Variants in TENM4 observed in about 807,000 individuals in gnomAD.
TENM4 encodes the protein teneurin transmembrane protein 4.
A neutral mutation model predicts 243.3 loss-of-function variants in TENM4; 82 were observed. That is an observed-to-expected ratio of 0.34 (90% CI 0.28 to 0.40). TENM4 has a LOEUF of 0.40. Ranked by LOEUF, TENM4 falls within the 10% of genes least tolerant of loss-of-function variation. The pLI is 1.00. For missense variants in TENM4, 3,138 were observed against 3,673.3 expected (o/e 0.85, Z 3.77); for synonymous variants, 1,412 against 1,456.3 (o/e 0.97, Z 0.69).
At chr11:78,693,165 G>A (rs1049611799) in intron 28 of TENM4, among the ~76,000 whole-genome samples, 7 of 152,194 alleles carry the variant, frequency 4.6e-5, no homozygotes, top group African/African-American at 1.4e-4. Flanking sequence ...TGAGAGCAAC[G>A]AAGAAATTCA....
intron 3 of TENM4, among the ~76,000 whole-genome samples, chr11:79,176,933 G>C (rs1863171183): frequency 6.6e-6 from 1 of 152,062 alleles, no homozygotes; most frequent in South Asian, 2.1e-4. Flanking sequence ...GGTTCCTTTG[G>C]TTTTCTGATT....
At chr11:78,854,586 T>TG (rs3842641) in intron 11 of TENM4, among the ~76,000 whole-genome samples, 79,582 of 151,944 alleles carry the variant, frequency 0.52, 23,189 homozygotes, top group African/African-American at 0.77. Flanking sequence ...TTTGTACTGG[T>TG]GGTGAATCTT....
chr11:79,266,348 A>G (rs764898900), intron 2 of TENM4, among the ~76,000 whole-genome samples: 1 of 151,582 alleles, frequency 6.6e-6, no homozygotes, highest in Admixed American at 6.5e-5. Flanking sequence ...TACTGCAATG[A>G]GCAAAATAGT....
chr11:79,424,705 C>T (rs554724193), intron 1 of TENM4, among the ~76,000 whole-genome samples: 192 of 151,838 alleles, frequency 1.3e-3, no homozygotes, highest in African/African-American at 4.1e-3. Flanking sequence ...GAGGCCGAGG[C>T]GGGCGGATCA....
rs1482196376 is a variant in TENM4, at chr11:78,708,361, C to T, written c.4209G>A (p.Gln1403=). The change falls in exon 27 of 34, where the codon CAG becomes CAA. Residue 1403 remains glutamine (Q), a splice_region_variant and synonymous_variant. Transcript: ENST00000278550. ...LSCDSVMDIS[Q]VHLEWPTDLA... is the part of the protein sequence containing the mutation. ...GCTTTGGTAGATGAAGCCATCTTACCTGGGAAATATCCATGACAGAATCAC... is the reference window on the plus strand; with the variant it reads ...GCTTTGGTAGATGAAGCCATCTTACTTGGGAAATATCCATGACAGAATCAC... 11 of 1,613,960 alleles carry T rather than the reference C, an allele frequency of 6.8e-6. No individual in the cohort carries two copies. The highest frequency in any genetic ancestry group is 9.3e-6 in the Non-Finnish European group (11 of 1,179,838).
chr11:79,337,391 G>A (rs1273489723), intron 1 of TENM4, among the ~76,000 whole-genome samples: 1 of 152,174 alleles, frequency 6.6e-6, no homozygotes, highest in Non-Finnish European at 1.5e-5. Flanking sequence ...CAGCTGATTA[G>A]GTCAGAAGGG....
At chr11:78,684,761 C>G (rs1343287307) in intron 29 of TENM4, among the ~76,000 whole-genome samples, 3 of 152,194 alleles carry the variant, frequency 2.0e-5, no homozygotes, top group Non-Finnish European at 4.4e-5. Context: ...TAATACTTAC[C>G]TCCTAGGCAT....
At chr11:78,991,047 C>A (rs1858030280) in intron 6 of TENM4, among the ~76,000 whole-genome samples, 1 of 152,156 alleles carries the variant, frequency 6.6e-6, no homozygotes, top group Non-Finnish European at 1.5e-5. Flanking sequence ...TGTAACCTGG[C>A]AGTGATTTCT....
intron 6 of TENM4, among the ~76,000 whole-genome samples, chr11:78,909,603 T>G (rs975560603): frequency 2.0e-5 from 3 of 152,184 alleles, no homozygotes; most frequent in African/African-American, 7.2e-5. Flanking sequence ...ATAATTCTTA[T>G]CGGCATACGC....
chr11:79,283,230 A>ACG (rs1856189753), intron 2 of TENM4, among the ~76,000 whole-genome samples: 1 of 151,626 alleles, frequency 6.6e-6, no homozygotes. Context: ...ACACACACAC[A>ACG]CACACACACA....
rs117339866 is a variant in TENM4 at position 79,207,324 on chromosome 11, C to T, written c.-163+8484G>A. Among the ~76,000 whole-genome samples, 676 of 152,322 alleles carry T rather than the reference C, an allele frequency of 4.4e-3. 10 individuals are homozygous for T. The highest frequency in any genetic ancestry group is 0.038 in the East Asian group (195 of 5,176). Reference sequence around the variant, plus strand: ...AAGAATAATAATATCCCAACTAACACGGAGTGAGAGTGTTAACCATGTGCC... The same window carrying T: ...AAGAATAATAATATCCCAACTAACATGGAGTGAGAGTGTTAACCATGTGCC... On this transcript the variant is annotated intron_variant, in intron 3 of 33. Transcript: ENST00000278550.
chr11:79,392,470 A>G (rs935215316), intron 1 of TENM4, among the ~76,000 whole-genome samples: 1 of 152,220 alleles, frequency 6.6e-6, no homozygotes, highest in African/African-American at 2.4e-5. Context: ...GTCCCTTTAG[A>G]AAAGGAAAGT....
At chr11:78,921,395 TC>T (rs1289935767) in intron 6 of TENM4, among the ~76,000 whole-genome samples, 1 of 152,216 alleles carries the variant, frequency 6.6e-6, no homozygotes, top group Admixed American at 6.5e-5. Flanking sequence ...GAAATACAAC[TC>T]TGTTTTTCTC....
intron 2 of TENM4, among the ~76,000 whole-genome samples, chr11:79,266,768 T>C (rs1042417758): frequency 3.3e-5 from 5 of 152,186 alleles, no homozygotes; most frequent in African/African-American, 1.2e-4. Flanking sequence ...CCAAGGAGAC[T>C]GATAAGACTT....
chr11:78,963,388 G>A (rs3985613), intron 6 of TENM4, among the ~76,000 whole-genome samples: 2,665 of 152,250 alleles, frequency 0.018, 33 homozygotes, highest in Non-Finnish European at 0.026. Flanking sequence ...GCAGTACATC[G>A]TCTATAAGAG....
At chr11:79,108,048 A>G (rs1861415496) in intron 4 of TENM4, among the ~76,000 whole-genome samples, 2 of 152,236 alleles carry the variant, frequency 1.3e-5, no homozygotes, top group South Asian at 4.1e-4. Context: ...GACTACTTAC[A>G]TAGTCTTGAA....
intron 4 of TENM4, among the ~76,000 whole-genome samples, chr11:79,089,005 C>G (rs1860882789): frequency 6.6e-6 from 1 of 152,200 alleles, no homozygotes; most frequent in Admixed American, 6.5e-5. Flanking sequence ...TGCAGACCCA[C>G]ATGGTCATCT....
At chr11:79,387,801 T>G (rs1858148177) in intron 1 of TENM4, among the ~76,000 whole-genome samples, 1 of 152,178 alleles carries the variant, frequency 6.6e-6, no homozygotes. Flanking sequence ...GCCCAGGAGT[T>G]CGAGACCAGC....
rs115869246 is a variant in TENM4, at chr11:78,809,083, C to T, written c.1978+3039G>A. ...CCCTTGAGGTCGAACCTATAAATCC[C>T]CATCATTAGCAAGCAGGCTGGGAGG... On this transcript the variant is annotated intron_variant, in intron 14 of 33. Coordinates refer to ENST00000278550, the MANE Select transcript of TENM4 (RefSeq NM_001098816.3). 4.2e-3 allele frequency among the ~76,000 whole-genome samples: 637 copies of T among 152,288 alleles called. 4 individuals are homozygous for T. Among genetic ancestry groups the T allele is most frequent in the African/African-American group, 0.015 (609 of 41,546 alleles).
Sources: gnomAD v4.1 joint callset for allele counts (sites outside exome capture counted in the v4.1 genomes callset) on GRCh38, gnomAD v4.1.1 for gene constraint, MANE v1.5 for transcripts, NCBI Gene and HGNC (gene_info 2026-07-23, HGNC 2026-07-21) for gene names.